The following ORC2 variants were observed in gnomAD, a reference collection of about 807,000 sequenced individuals.
ORC2 encodes the protein origin recognition complex protein 2 homolog.
A neutral mutation model predicts 77.7 loss-of-function variants in ORC2; 37 were observed. The observed-to-expected ratio is 0.48, with a 90% confidence interval of 0.37 to 0.63. ORC2 has a LOEUF of 0.63. Among genes scored for constraint, ORC2 ranks in the 20% least tolerant of loss-of-function variants. The pLI is 0.00. For missense variants in ORC2, 557 were observed against 661.9 expected (o/e 0.84, Z 1.74); for synonymous variants, 201 against 229.5 (o/e 0.88, Z 1.12).
chr2:200,919,887 T>G (rs1219518249), intron 15 of ORC2, among the ~76,000 whole-genome samples: 1 of 152,228 alleles, frequency 6.6e-6, no homozygotes, highest in Non-Finnish European at 1.5e-5. Flanking sequence ...ACTCACTGTT[T>G]GGATCAGAAT....
chr2:200,912,395 A>G (rs1413334063), intron 17 of ORC2, among the ~76,000 whole-genome samples: 1 of 152,068 alleles, frequency 6.6e-6, no homozygotes, highest in Non-Finnish European at 1.5e-5. Context: ...CTGTCTCCCT[A>G]AAATGTCACT....
intron 4 of ORC2, among the ~76,000 whole-genome samples, chr2:200,952,800 T>C (rs1417478921): frequency 6.6e-6 from 1 of 150,426 alleles, no homozygotes; most frequent in African/African-American, 2.5e-5. Flanking sequence ...ATGGATATGA[T>C]AGCTTAAAAA....
intron 10 of ORC2, among the ~76,000 whole-genome samples, chr2:200,933,614 GC>G (rs966841409): frequency 1.6e-4 from 24 of 151,786 alleles, no homozygotes; most frequent in Middle Eastern, 3.4e-3. Context: ...TCCCTATATT[GC>G]CCAGGCTGGT....
chr2:200,961,479 C>T (rs2041572829), intron 1 of ORC2, among the ~76,000 whole-genome samples: 1 of 152,144 alleles, frequency 6.6e-6, no homozygotes, highest in African/African-American at 2.4e-5. Flanking sequence ...CCTCTGAAAA[C>T]CATTCATAAT....
intron 13 of ORC2, among the ~76,000 whole-genome samples, chr2:200,924,991 C>T (rs2040818812): frequency 6.6e-6 from 1 of 152,184 alleles, no homozygotes; most frequent in South Asian, 2.1e-4. Context: ...AACTCCTGAC[C>T]TCAGGTGACC....
chr2:200,953,523 T>C (rs2041405870), intron 4 of ORC2, among the ~76,000 whole-genome samples: 1 of 151,790 alleles, frequency 6.6e-6, no homozygotes, highest in African/African-American at 2.4e-5. Flanking sequence ...GTGCAAAAAG[T>C]ATGGTGGTTC....
rs950159672 is a variant in ORC2, at chr2:200,914,805, C to T, written c.1467-813G>A. On this transcript the variant is annotated intron_variant, in intron 15 of 17. Transcript: ENST00000234296. ...TTTTAGGTTAGTGTTGGTAGAAAAGCTGGAATACAGAATAACATCTAAAGA... is the reference window on the plus strand; with the variant it reads ...TTTTAGGTTAGTGTTGGTAGAAAAGTTGGAATACAGAATAACATCTAAAGA... Among the ~76,000 whole-genome samples, 9 of 151,994 alleles carry T rather than the reference C, an allele frequency of 5.9e-5. No individual in the cohort carries two copies. The East Asian group carries it at 1.5e-3, about 26-fold the overall frequency.
rs763242597 is a variant in ORC2, at chr2:200,933,867, G to GTA, written c.807+7_807+8dup. 73 of 1,543,272 alleles carry GTA rather than the reference G, an allele frequency of 4.7e-5. No homozygotes were observed. On this transcript the variant is annotated intron_variant, in intron 10 of 17. Coordinates refer to ENST00000234296, the MANE Select transcript of ORC2 (RefSeq NM_006190.5). ...AAAAAATTTAGAAGTAACATTCCTT[G>GTA]TAACATACCTGATCCAGTTTAGCTC...
chr2:200,920,371 A>G lies in ORC2; in HGVS notation c.1317T>C (p.Ser439=). Residue 439 remains serine, a synonymous_variant, in exon 15 of 18, where the codon AGT becomes AGC. Coordinates refer to ENST00000234296, the MANE Select transcript of ORC2 (RefSeq NM_006190.5). ...TTTCATACCAGAGCCAGTTAAAAAG[A>G]CTCTGCTTTGCATGATCCCACACTA... The part of the protein sequence containing the change: ...APLMWDHAKQ[S]LFNWLWYETT... The G allele has an allele frequency of 6.2e-7, 1 of 1,604,634 alleles. No homozygotes were observed. Among genetic ancestry groups the G allele is most frequent in the Non-Finnish European group, 8.5e-7 (1 of 1,174,432 alleles).
intron 5 of ORC2, among the ~76,000 whole-genome samples, chr2:200,949,342 CA>C (rs2125018745): frequency 6.6e-6 from 1 of 151,028 alleles, no homozygotes; most frequent in East Asian, 1.9e-4. Context: ...TAGCTGAAAA[CA>C]GAAGACATCT....
intron 15 of ORC2, among the ~76,000 whole-genome samples, chr2:200,919,808 T>G (rs1163175149): frequency 6.6e-6 from 1 of 152,234 alleles, no homozygotes; most frequent in Non-Finnish European, 1.5e-5. Flanking sequence ...CTGGCATATC[T>G]GGATCAAAGT....
intron 8 of ORC2, among the ~76,000 whole-genome samples, chr2:200,937,480 G>A (rs1283891036): frequency 2.0e-5 from 3 of 152,092 alleles, no homozygotes; most frequent in African/African-American, 7.2e-5. Context: ...TATGAAAGGT[G>A]TTGACATCTT....
intron 1 of ORC2, among the ~76,000 whole-genome samples, chr2:200,960,134 C>T (rs754131968): frequency 1.5e-4 from 23 of 151,962 alleles, no homozygotes; most frequent in Non-Finnish European, 2.1e-4. Context: ...TCTGCCACCA[C>T]GTCCAGCTAA....
intron 8 of ORC2, among the ~76,000 whole-genome samples, chr2:200,937,672 T>C (rs964824837): frequency 6.6e-6 from 1 of 152,200 alleles, no homozygotes; most frequent in Admixed American, 6.6e-5. Flanking sequence ...AATAGAATAA[T>C]TTCCAAACTG....
At chr2:200,954,920 A>G (rs1575185330) in intron 4 of ORC2, among the ~76,000 whole-genome samples, 1 of 152,020 alleles carries the variant, frequency 6.6e-6, no homozygotes, top group South Asian at 2.1e-4. Context: ...ATAAATAAAT[A>G]AATAAATAAA....
chr2:200,938,932 G>C (rs921967616), intron 7 of ORC2, among the ~76,000 whole-genome samples: 1 of 151,796 alleles, frequency 6.6e-6, no homozygotes, highest in Non-Finnish European at 1.5e-5. Flanking sequence ...CCAGCTACTC[G>C]AGAGGTTGAG....
intron 10 of ORC2, among the ~76,000 whole-genome samples, chr2:200,933,501 A>G (rs2040979786): frequency 1.3e-5 from 2 of 152,208 alleles, no homozygotes; most frequent in African/African-American, 4.8e-5. Context: ...ATAGATCCTG[A>G]AGAAATAATA....
chr2:200,936,076 T>C (rs1381923649), intron 8 of ORC2, among the ~76,000 whole-genome samples, 184 bp from the exon 9 acceptor site: 1 of 152,220 alleles, frequency 6.6e-6, no homozygotes, highest in Non-Finnish European at 1.5e-5. Context: ...ATCAAATTAA[T>C]AGTACATAGT....
At chr2:200,948,693 G>A (rs1344744391) in intron 5 of ORC2, among the ~76,000 whole-genome samples, 1 of 151,902 alleles carries the variant, frequency 6.6e-6, no homozygotes, top group Non-Finnish European at 1.5e-5. Flanking sequence ...CTCCTGGATA[G>A]CTAGGACTAC....
Sources: allele counts gnomAD v4.1 joint callset (sites outside exome capture counted in the v4.1 genomes callset), GRCh38; gene constraint gnomAD v4.1.1; transcripts MANE v1.5; gene names NCBI Gene and HGNC (gene_info 2026-07-23, HGNC 2026-07-21).